The following GNA12 variants were observed in gnomAD, a reference collection of about 807,000 sequenced individuals.
The protein encoded by GNA12 is G protein subunit alpha 12.
A neutral mutation model predicts 26.0 loss-of-function variants in GNA12; 9 were observed. The observed-to-expected ratio is 0.35, with a 90% confidence interval of 0.21 to 0.60. The LOEUF (loss-of-function observed/expected upper bound fraction) is 0.60. Ranked by LOEUF, GNA12 falls within the 20% of genes least tolerant of loss-of-function variation. The probability of loss-of-function intolerance (pLI) is 0.78; values close to 1 mark genes in which losing one functional copy is unlikely to be tolerated. For missense variants in GNA12, 405 were observed against 525.8 expected, an observed-to-expected ratio of 0.77 and a Z score of 2.25; for synonymous variants, 264 against 219.6, an observed-to-expected ratio of 1.20 and a Z score of -1.79.
At chr7:2,778,928 T>G (rs1027598239) in intron 2 of GNA12, among the ~76,000 whole-genome samples, 5 of 152,222 alleles carry the variant, frequency 3.3e-5, no homozygotes, top group African/African-American at 1.2e-4. Context: ...TTTGAAACTT[T>G]CAGATTAAGG....
chr7:2,806,820 T>C (rs901416671), intron 1 of GNA12, among the ~76,000 whole-genome samples: 4 of 152,162 alleles, frequency 2.6e-5, no homozygotes, highest in Non-Finnish European at 4.4e-5. Context: ...TTCCAGTGTA[T>C]GGAAAGAATA....
At chr7:2,742,610 T>A (rs1222723031) in intron 2 of GNA12, among the ~76,000 whole-genome samples, 1 of 152,196 alleles carries the variant, frequency 6.6e-6, no homozygotes, top group Non-Finnish European at 1.5e-5. Flanking sequence ...CCCTTTGCGT[T>A]TCCATATTAG....
At position 2,785,016 on chromosome 7, in the gene GNA12, A is replaced by AT. The variant is rs1792323722; in HGVS notation, c.525+9911dup. ...TCTATGTTAAAATACTTAACACTTCATTTTTTTCCCCTAGAGGAGTAGATT... is the reference window on the plus strand; with the variant it reads ...TCTATGTTAAAATACTTAACACTTCATTTTTTTTCCCCTAGAGGAGTAGATT... On this transcript the variant is annotated intron_variant, in intron 2 of 3. Transcript: ENST00000275364. 2.0e-5 allele frequency among the ~76,000 whole-genome samples: 3 copies of AT among 151,974 alleles called. No individual in the cohort carries two copies. In the South Asian group the frequency reaches 6.2e-4, roughly 32 times the overall value.
At chr7:2,740,594 T>C (rs1790449980) in intron 2 of GNA12, among the ~76,000 whole-genome samples, 1 of 152,164 alleles carries the variant, frequency 6.6e-6, no homozygotes, top group South Asian at 2.1e-4. Flanking sequence ...CAAATATAAT[T>C]ATGAACTTGT....
chr7:2,841,815 T>C (rs1583322296), intron 1 of GNA12, among the ~76,000 whole-genome samples: 1 of 151,904 alleles, frequency 6.6e-6, no homozygotes, highest in African/African-American at 2.4e-5. Context: ...ACCCGATAGG[T>C]TTCTACGGGG....
At chr7:2,832,164 C>G (rs965635906) in intron 1 of GNA12, among the ~76,000 whole-genome samples, 1 of 152,180 alleles carries the variant, frequency 6.6e-6, no homozygotes, top group Non-Finnish European at 1.5e-5. Flanking sequence ...TATGGACAGT[C>G]GAAAGGCCTC....
chr7:2,835,930 A>C (rs2114978275), intron 1 of GNA12: 1 of 536,716 alleles, frequency 1.9e-6, no homozygotes, highest in South Asian at 1.7e-5. Context: ...CTTAGAATCC[A>C]AAGTCGAAGC....
In GNA12 at chr7:2,730,137, C is replaced by T. The variant is rs563322413; in HGVS notation, c.*1044G>A. ...GGCTTCCCGAAAGGTCAGCTGTTAGCTCGCCAAGCAGCTGGGGCATTAACA... is the reference window on the plus strand; with the variant it reads ...GGCTTCCCGAAAGGTCAGCTGTTAGTTCGCCAAGCAGCTGGGGCATTAACA... On this transcript the variant is annotated 3_prime_UTR_variant, in exon 4 of 4. Coordinates refer to ENST00000275364, the MANE Select transcript of GNA12 (RefSeq NM_007353.3). The T allele has an allele frequency of 2.0e-5, 3 of 152,478 alleles. No individual in the cohort carries two copies. In the East Asian group the frequency reaches 5.6e-4, roughly 29 times the overall value. The allele number at this position is 152,478 out of a possible 1,614,324, so 9.4% of individuals were successfully genotyped here.
At chr7:2,794,082 A>T (rs1272717377) in intron 2 of GNA12, among the ~76,000 whole-genome samples, 1 of 152,148 alleles carries the variant, frequency 6.6e-6, no homozygotes, top group Non-Finnish European at 1.5e-5. Context: ...AAGGCAAGTC[A>T]CAGAAGCATA....
Position 2,728,352 on chromosome 7 carries a change from A to G in GNA12, c.*2829T>C, listed in dbSNP as rs1007444830. The stretch of plus-strand genomic sequence containing the variant: ...CTTCTTTCAAGAGTTTTTTTTTTCA[A>G]TCTTGGAGTTAACAATCTGACTTAT... On this transcript the variant is annotated 3_prime_UTR_variant, in exon 4 of 4. Transcript: ENST00000275364. 1.8e-4 allele frequency: 27 copies of G among 152,056 alleles called. No individual in the cohort carries two copies. The highest frequency in any genetic ancestry group is 7.2e-4 in the Admixed American group (11 of 15,268). The allele number at this position is 152,056 out of a possible 1,614,324, so 9.4% of individuals were successfully genotyped here.
intron 1 of GNA12, among the ~76,000 whole-genome samples, chr7:2,830,535 G>A (rs1027616801): frequency 1.3e-5 from 2 of 152,206 alleles, no homozygotes. Context: ...GGAATCTACA[G>A]GGCCTGAGCC....
chr7:2,829,553 CT>C (rs2114971516), intron 1 of GNA12, among the ~76,000 whole-genome samples: 1 of 152,316 alleles, frequency 6.6e-6, no homozygotes, highest in South Asian at 2.1e-4. Context: ...CCCTGTGCAT[CT>C]CATGTTAATG....
At position 2,731,342 on chromosome 7, in the gene GNA12, G is replaced by A. The variant is rs143607374; in HGVS notation, c.985C>T (p.Arg329Cys). 1.3e-5 allele frequency: 21 copies of A among 1,613,880 alleles called. No homozygotes were observed. The highest frequency in any genetic ancestry group is 6.7e-5 in the Admixed American group (4 of 60,000). Residue 329 changes from arginine to cysteine, a missense_variant, in exon 4 of 4, where the codon CGC (arginine) becomes TGC (cysteine). Coordinates refer to ENST00000275364, the MANE Select transcript of GNA12 (RefSeq NM_007353.3). The surrounding 1 kb of genome is among the most constrained non-coding windows in gnomAD (Gnocchi z 6.0). ...GDPHRLEDVQ[R>C]YLVQCFDRKR... is the part of the protein sequence containing the mutation. ...CTGTCGAAGCACTGGACCAGGTAGC[G>A]CTGGACGTCCTCCAGCCTGTGCGGG...
intron 3 of GNA12, among the ~76,000 whole-genome samples, 168 bp downstream of exon 3, chr7:2,733,283 C>A (rs559987671): frequency 1.3e-5 from 2 of 152,184 alleles, no homozygotes; most frequent in Non-Finnish European, 2.9e-5. Flanking sequence ...TGAGACGGGG[C>A]CCAGATCCAA....
At chr7:2,782,897 ATAC>A (rs1344547351) in intron 2 of GNA12, among the ~76,000 whole-genome samples, 1 of 152,202 alleles carries the variant, frequency 6.6e-6, no homozygotes, top group Non-Finnish European at 1.5e-5. Context: ...TAGTTTACTA[ATAC>A]TTTGTTGCCT....
chr7:2,826,739 A>G (rs1793493184), intron 1 of GNA12, among the ~76,000 whole-genome samples: 1 of 152,210 alleles, frequency 6.6e-6, no homozygotes, highest in Non-Finnish European at 1.5e-5. Flanking sequence ...AAAAGGAAAA[A>G]CGATGGAGAC....
At chr7:2,823,879 C>T (rs933230902) in intron 1 of GNA12, among the ~76,000 whole-genome samples, 5 of 152,166 alleles carry the variant, frequency 3.3e-5, no homozygotes, top group Admixed American at 1.3e-4. Context: ...GAAAATAATG[C>T]GCATTCTAGA....
At chr7:2,746,493 A>G (rs1790770019) in intron 2 of GNA12, among the ~76,000 whole-genome samples, 2 of 152,232 alleles carry the variant, frequency 1.3e-5, no homozygotes, top group Admixed American at 6.5e-5. Flanking sequence ...ACAACATACC[A>G]GAATCTCTGG....
At chr7:2,825,895 C>T (rs991085689) in intron 1 of GNA12, among the ~76,000 whole-genome samples, 2 of 152,090 alleles carry the variant, frequency 1.3e-5, no homozygotes, top group South Asian at 2.1e-4. Context: ...CATAGAAAGA[C>T]GCTCCACACC....
Sources: allele counts gnomAD v4.1 joint callset (sites outside exome capture counted in the v4.1 genomes callset), GRCh38; gene constraint gnomAD v4.1.1; non-coding constraint Gnocchi (gnomAD v3.1); transcripts MANE v1.5; gene names NCBI Gene and HGNC (gene_info 2026-07-23, HGNC 2026-07-21).